MSX2: variants seen among roughly 807,000 people sequenced by gnomAD.
The protein encoded by MSX2 is msh homeobox 2, also known as homeobox protein MSX-2.
A neutral mutation model predicts 18.4 loss-of-function variants in MSX2; 10 were observed. The ratio of observed to expected loss-of-function variants is 0.54; its 90% CI spans 0.34 to 0.92. MSX2 has a LOEUF of 0.92. Ranked by LOEUF, MSX2 falls within the 40% of genes least tolerant of loss-of-function variation. The pLI, the probability that MSX2 is intolerant of heterozygous loss-of-function variation, is 0.02. For missense variants in MSX2, 339 were observed against 364.0 expected, an observed-to-expected ratio of 0.93 and a Z score of 0.56; for synonymous variants, 170 against 165.6, an observed-to-expected ratio of 1.03 and a Z score of -0.20.
Position 174,724,724 on chromosome 5 carries a change from C to T in MSX2, c.65C>T (p.Ala22Val). The T allele has an allele frequency of 6.3e-7, 1 of 1,590,336 alleles. No individual in the cohort carries two copies. The highest frequency in any genetic ancestry group is 8.6e-7 in the Non-Finnish European group (1 of 1,169,216). Residue 22 changes from alanine (A) to valine (V), a missense_variant, in exon 1 of 2, where the codon GCC becomes GTC. Around this residue, in one of 2 missense-constraint regions of MSX2, gnomAD observed 211 missense variants for 185.4 expected, o/e 1.14. Transcript: ENST00000239243. ...GACGAGGAGGGCCCAGCAGTGGTGG[C>T]CGGACCAGGCCCGGGGCCTGGGGGC... is the stretch of plus-strand genomic sequence containing the variant. ...SPDEEGPAVV[A>V]GPGPGPGGAE...
chr5:174,729,054 C>A, intron 1 of MSX2, 105 bp from the exon 2 acceptor site: 1 of 1,121,356 alleles, frequency 8.9e-7, no homozygotes, highest in Non-Finnish European at 1.3e-6. Flanking sequence ...AGAGGGGAGG[C>A]CCGAAAGGAA....
intron 1 of MSX2, among the ~76,000 whole-genome samples, chr5:174,726,386 C>T (rs1223119868): frequency 1.3e-5 from 2 of 152,158 alleles, no homozygotes; most frequent in African/African-American, 4.8e-5. Flanking sequence ...GGCAGTCTCT[C>T]TCCACCCTGT....
chr5:174,724,736 CG>C lies in MSX2; in HGVS notation c.81del (p.Pro28LeufsTer69). 6.3e-7 allele frequency: 1 copy of C among 1,585,658 alleles called. No homozygotes were observed. Among genetic ancestry groups the C allele is most frequent in the Non-Finnish European group, 8.6e-7 (1 of 1,166,662 alleles). ...CCAGCAGTGGTGGCCGGACCAGGCCCGGGGCCTGGGGGCGCCGAGGGGGCCG... is the reference window on the plus strand; with the variant it reads ...CCAGCAGTGGTGGCCGGACCAGGCCCGGGCCTGGGGGCGCCGAGGGGGCCG... The part of the protein sequence containing the change: ...EGPAVVAGPG[P>X]GPGGAEGAAE... On this transcript the variant is annotated frameshift_variant, in exon 1 of 2. Coordinates refer to ENST00000239243, the MANE Select transcript of MSX2 (RefSeq NM_002449.5). LOFTEE classifies it high-confidence loss of function.
chr5:174,729,071 T>TAG (rs1760866348), intron 1 of MSX2, 88 bp from the exon 2 acceptor site: 2 of 1,380,044 alleles, frequency 1.4e-6, no homozygotes, highest in Non-Finnish European at 2.0e-6. Context: ...GGAAAAAACC[T>TAG]AGAGAGATGA....
At chr5:174,728,944 A>G (rs1760860548) in intron 1 of MSX2, among the ~76,000 whole-genome samples, 2 of 149,720 alleles carry the variant, frequency 1.3e-5, no homozygotes, top group South Asian at 4.5e-4. Flanking sequence ...GATGAAACAA[A>G]GTATGTCTTT....
chr5:174,725,424 G>A (rs1760769848), intron 1 of MSX2, among the ~76,000 whole-genome samples: 1 of 152,212 alleles, frequency 6.6e-6, no homozygotes, highest in Non-Finnish European at 1.5e-5. Context: ...GGGAGTGAAG[G>A]AGTTGGATCC....
In MSX2 at chr5:174,729,709, T is replaced by G; in HGVS notation, c.*126T>G. ...CCCTGCGTGCACCACCCTAAGCGGC[T>G]AGGCTGACAGGGCCACACGACATAG... On this transcript the variant is annotated 3_prime_UTR_variant, in exon 2 of 2. Transcript: ENST00000239243. 1 of 1,015,298 alleles carries G rather than the reference T, an allele frequency of 9.8e-7. No individual in the cohort carries two copies. The highest frequency in any genetic ancestry group is 1.5e-6 in the Non-Finnish European group (1 of 660,852). 62.9% of individuals were successfully genotyped at this position (1,015,298 alleles called of 1,614,324 possible). A position where few individuals can be genotyped will look rare whatever the true frequency, so the allele number is the denominator to read the frequency against.
At chr5:174,727,303 A>G (rs536897393) in intron 1 of MSX2, among the ~76,000 whole-genome samples, 25 of 151,480 alleles carry the variant, frequency 1.7e-4, no homozygotes, top group African/African-American at 5.1e-4. Flanking sequence ...GGGTGGAGGG[A>G]TGGGGAGTGT....
In MSX2 at chr5:174,724,796, C is replaced by G. The variant is rs781641392; in HGVS notation, c.137C>G (p.Pro46Arg). The G allele has an allele frequency of 1.9e-6, 3 of 1,553,624 alleles. No individual in the cohort carries two copies. The highest frequency in any genetic ancestry group is 2.6e-6 in the Non-Finnish European group (3 of 1,149,098). The change falls in exon 1 of 2, where the codon CCC becomes CGC. Residue 46 changes from proline (P) to arginine (R), a missense_variant. Physicochemically the swap from Pro to Arg is moderately radical, Grantham distance 103. Around this residue, in one of 2 missense-constraint regions of MSX2, gnomAD observed 211 missense variants for 185.4 expected, o/e 1.14. Coordinates refer to ENST00000239243, the MANE Select transcript of MSX2 (RefSeq NM_002449.5). ...EERRVKVSSLPFSVEALMSDK... is the reference protein window; with the variant it reads ...EERRVKVSSLRFSVEALMSDK... ...CGCCGCGTCAAGGTCTCCAGCCTGC[C>G]CTTCAGCGTGGAGGCGCTCATGTCC...
In MSX2 at chr5:174,729,851, A is replaced by G. The variant is rs563103519; in HGVS notation, c.*268A>G. On this transcript the variant is annotated 3_prime_UTR_variant, in exon 2 of 2. Transcript: ENST00000239243. The stretch of plus-strand genomic sequence containing the variant: ...TGATGGTTTTTATGTATAAATATAT[A>G]TATATAATAAAATATAATACATTTT... The G allele has an allele frequency of 1.2e-5, 2 of 171,052 alleles. No homozygotes were observed. The highest frequency in any genetic ancestry group is 2.4e-5 in the Non-Finnish European group (2 of 82,074). The allele number at this position is 171,052 out of a possible 1,614,324, so 10.6% of individuals were successfully genotyped here.
rs199732800 is a variant in MSX2, at chr5:174,729,375, G to T, written c.596G>T (p.Arg199Ile). The T allele has an allele frequency of 6.2e-7, 1 of 1,614,206 alleles. No individual in the cohort carries two copies. Among genetic ancestry groups the T allele is most frequent in the African/African-American group, 1.3e-5 (1 of 75,066 alleles). ...CAGAACCGAAGGGCCAAGGCGAAAA[G>T]ACTGCAGGAGGCAGAACTGGAAAAG... ...WFQNRRAKAK[R>I]LQEAELEKLK... The change falls in exon 2 of 2, where the codon AGA becomes ATA. Residue 199 changes from arginine (R) to isoleucine (I), a missense_variant. Arg to Ile is a moderately conservative substitution (Grantham distance 97). Transcript: ENST00000239243.
chr5:174,727,361 C>T (rs996855084), intron 1 of MSX2, among the ~76,000 whole-genome samples: 1 of 152,192 alleles, frequency 6.6e-6, no homozygotes, highest in East Asian at 1.9e-4. Context: ...TACACATGTG[C>T]GATCCCGGTC....
chr5:174,727,042 G>A (rs1760816770), intron 1 of MSX2, among the ~76,000 whole-genome samples: 1 of 147,582 alleles, frequency 6.8e-6, no homozygotes, highest in South Asian at 2.2e-4. Flanking sequence ...ATGTATCCCG[G>A]AACTTAAAGT....
Position 174,729,501 on chromosome 5 carries a change from C to T in MSX2, c.722C>T (p.Pro241Leu), listed in dbSNP as rs368570722. The T allele has an allele frequency of 3.2e-5, 52 of 1,613,854 alleles. No homozygotes were observed. Among genetic ancestry groups the T allele is most frequent in the East Asian group, 2.0e-4 (9 of 44,902 alleles). Residue 241 changes from proline (P) to leucine (L), a missense_variant, in exon 2 of 2, where the codon CCG becomes CTG. By Grantham distance (98) the Pro-to-Leu change is moderately conservative. Transcript: ENST00000239243. ...QAASIYGASYPFHRPVLPIPP... is the reference protein window; with the variant it reads ...QAASIYGASYLFHRPVLPIPP... ...GCGTCCATATATGGAGCATCCTACC[C>T]GTTCCATAGACCTGTGCTTCCCATC...
At chr5:174,727,836 T>C (rs1264865286) in intron 1 of MSX2, among the ~76,000 whole-genome samples, 1 of 152,178 alleles carries the variant, frequency 6.6e-6, no homozygotes, top group East Asian at 1.9e-4. Flanking sequence ...TGTGTCACCC[T>C]CAAGTATGAA....
chr5:174,726,454 T>C (rs1581518123), intron 1 of MSX2, among the ~76,000 whole-genome samples: 1 of 152,146 alleles, frequency 6.6e-6, no homozygotes, highest in East Asian at 1.9e-4. Flanking sequence ...GAATTTAAAC[T>C]CAAGTTTGGA....
At chr5:174,728,839 C>T (rs1270311841) in intron 1 of MSX2, among the ~76,000 whole-genome samples, 1 of 151,996 alleles carries the variant, frequency 6.6e-6, no homozygotes, top group East Asian at 1.9e-4. Context: ...TCTTAAAAAA[C>T]TCATTTTTAA....
rs1167204448 is a variant in MSX2, at chr5:174,724,867, G to T, written c.208G>T (p.Ala70Ser). 6.4e-7 allele frequency: 1 copy of T among 1,554,832 alleles called. No homozygotes were observed. The highest frequency in any genetic ancestry group is 2.0e-5 in the Admixed American group (1 of 50,990). Residue 70 changes from alanine to serine, a missense_variant, in exon 1 of 2, where the codon GCC becomes TCC. This residue lies in a region of MSX2 where 211 missense variants were observed against 185.4 expected (regional missense o/e 1.14). Transcript: ENST00000239243. ...KEASPLPAES[A>S]SAGATLRPLL... ...GGCGTCCCCGCTGCCGGCCGAAAGC[G>T]CCTCGGCCGGGGCCACCCTGCGGCC...
At chr5:174,725,666 T>C (rs1581517490) in intron 1 of MSX2, among the ~76,000 whole-genome samples, 2 of 152,146 alleles carry the variant, frequency 1.3e-5, no homozygotes, top group Non-Finnish European at 2.9e-5. Flanking sequence ...CTCTGTGGTC[T>C]CCGCAGCCAG....
Sources: allele counts gnomAD v4.1 joint callset (sites outside exome capture counted in the v4.1 genomes callset), GRCh38; gene constraint gnomAD v4.1.1; regional missense constraint gnomAD v4.1.1; transcripts MANE v1.5; gene names NCBI Gene and HGNC (gene_info 2026-07-23, HGNC 2026-07-21).